The following UBE4B variants were observed in gnomAD, a reference collection of about 807,000 sequenced individuals.
The protein encoded by UBE4B is ubiquitination factor E4B, also known as ubiquitin conjugation factor E4 B.
Under a neutral mutation model 148.1 loss-of-function variants are expected in UBE4B, and 27 were observed. The ratio of observed to expected loss-of-function variants is 0.18; its 90% CI spans 0.13 to 0.25. UBE4B has a LOEUF of 0.25. Ranked by LOEUF, UBE4B falls within the 10% of genes least tolerant of loss-of-function variation. The probability of loss-of-function intolerance (pLI) is 1.00; values close to 1 mark genes in which losing one functional copy is unlikely to be tolerated. For missense variants in UBE4B, 1,170 were observed against 1,662.4 expected (o/e 0.70, Z 5.15); for synonymous variants, 596 against 619.3 (o/e 0.96, Z 0.56).
At chr1:10,069,156 A>C (rs1644442276) in intron 1 of UBE4B, among the ~76,000 whole-genome samples, 1 of 152,230 alleles carries the variant, frequency 6.6e-6, no homozygotes, top group Non-Finnish European at 1.5e-5. Context: ...ATCTGAATTT[A>C]ACATCTTGGG....
chr1:10,072,432 C>T (rs1297665189), intron 2 of UBE4B: 3 of 665,530 alleles, frequency 4.5e-6, no homozygotes, highest in African/African-American at 2.4e-5. Context: ...CCATAACTTC[C>T]ATCTTTTTTT....
At chr1:10,138,549 A>G (rs1174093696) in intron 17 of UBE4B, among the ~76,000 whole-genome samples, 1 of 152,106 alleles carries the variant, frequency 6.6e-6, no homozygotes, top group Non-Finnish European at 1.5e-5. Flanking sequence ...TCACTTACTA[A>G]TTCTAATAGT....
intron 10 of UBE4B, among the ~76,000 whole-genome samples, chr1:10,123,776 TTTG>T (rs1016477349): frequency 8.5e-5 from 13 of 152,266 alleles, no homozygotes; most frequent in African/African-American, 2.9e-4. Flanking sequence ...TTTGTTTTGT[TTTG>T]TTTTGTTTTT....
At chr1:10,100,032 C>CA (rs1357962588) in intron 3 of UBE4B, among the ~76,000 whole-genome samples, 1 of 152,010 alleles carries the variant, frequency 6.6e-6, no homozygotes, top group Non-Finnish European at 1.5e-5. Context: ...CTCTGTCGCC[C>CA]AGGCTGGAGT....
chr1:10,119,473 T>G (rs1645375686), intron 8 of UBE4B, 40 bp from the exon 9 acceptor site: 1 of 1,593,848 alleles, frequency 6.3e-7, no homozygotes, highest in Non-Finnish European at 8.6e-7. Context: ...AATTGTATTG[T>G]TTGTTTCTTG....
chr1:10,136,240 A>G (rs918841777), intron 16 of UBE4B, among the ~76,000 whole-genome samples: 2 of 152,062 alleles, frequency 1.3e-5, no homozygotes, highest in African/African-American at 2.4e-5. Context: ...TTGGAAGCTG[A>G]GGTGGGAGGA....
At chr1:10,138,399 A>G (rs1182499906) in intron 17 of UBE4B, among the ~76,000 whole-genome samples, 4 of 151,678 alleles carry the variant, frequency 2.6e-5, no homozygotes, top group South Asian at 2.1e-4. Flanking sequence ...ACCTGGCCCA[A>G]TTTTTTGTAT....
In UBE4B at chr1:10,095,521, A is replaced by G; in HGVS notation, c.272A>G (p.Asn91Ser). ...GVSSLSSSPS[N>S]SLETQSQSLS... ...AGTTCTCTCAGCAGCTCGCCCTCTA[A>G]TAGCCTTGAAACGCAATCTCAGTCT... Residue 91 changes from asparagine to serine, a missense_variant, in exon 3 of 28, where the codon AAT becomes AGT. Asn to Ser is a conservative substitution (Grantham distance 46). Around this residue, in one of 6 missense-constraint regions of UBE4B, gnomAD observed 127 missense variants for 153.2 expected, o/e 0.83. Coordinates refer to ENST00000343090, the MANE Select transcript of UBE4B (RefSeq NM_001105562.3). The G allele has an allele frequency of 6.2e-7, 1 of 1,614,172 alleles. No homozygotes were observed. Among genetic ancestry groups the G allele is most frequent in the Non-Finnish European group, 8.5e-7 (1 of 1,180,038 alleles).
chr1:10,129,523 T>A, intron 12 of UBE4B, 75 bp downstream of exon 12: 1 of 1,456,516 alleles, frequency 6.9e-7, no homozygotes, highest in South Asian at 1.2e-5. Flanking sequence ...TCTAGTGAGA[T>A]GGCCTGGAAA....
At chr1:10,175,527 C>G (rs561113118) in intron 25 of UBE4B, among the ~76,000 whole-genome samples, 1 of 151,356 alleles carries the variant, frequency 6.6e-6, no homozygotes, top group Non-Finnish European at 1.5e-5. Context: ...GGCGGGCGCC[C>G]GTAGACCCAG....
chr1:10,132,654 A>C (rs1645614862), intron 15 of UBE4B, among the ~76,000 whole-genome samples, 172 bp downstream of exon 15: 2 of 152,224 alleles, frequency 1.3e-5, no homozygotes, highest in South Asian at 2.1e-4. Context: ...AAGTAGACAT[A>C]TAAATACATG....
In UBE4B at chr1:10,161,620, GT is replaced by G. The variant is rs2102010389; in HGVS notation, c.3198+335del. Among the ~76,000 whole-genome samples the G allele has an allele frequency of 6.6e-6, 1 of 152,272 alleles. No individual in the cohort carries two copies. The highest frequency in any genetic ancestry group is 1.5e-5 in the Non-Finnish European group (1 of 68,020). On this transcript the variant is annotated intron_variant, in intron 23 of 27. Coordinates refer to ENST00000343090, the MANE Select transcript of UBE4B (RefSeq NM_001105562.3). This position sits in a 1 kb window ranked among gnomAD's most constrained non-coding sequence, Gnocchi z 4.1. The stretch of plus-strand genomic sequence containing the variant: ...TTAGGAAAGAAATCTCTAGAATTAT[GT>G]CTGCTGGACAAGAATTTGATTTGTT...
intron 1 of UBE4B, among the ~76,000 whole-genome samples, chr1:10,063,821 T>A (rs1268726340): frequency 6.6e-6 from 1 of 151,028 alleles, no homozygotes; most frequent in Non-Finnish European, 1.5e-5. Context: ...GGCAGGAGAA[T>A]CGCTTGAACC....
intron 2 of UBE4B, among the ~76,000 whole-genome samples, chr1:10,078,044 C>G (rs548729192): frequency 1.3e-5 from 2 of 151,760 alleles, no homozygotes; most frequent in Admixed American, 1.3e-4. Context: ...GAGTCTCTCT[C>G]TGTCACCCAA....
chr1:10,072,413 C>T (rs1166957055), intron 2 of UBE4B, 199 bp downstream of exon 2: 2 of 697,062 alleles, frequency 2.9e-6, no homozygotes, highest in East Asian at 2.8e-5. Context: ...AAACCAATTG[C>T]TTTTCTTTCC....
At chr1:10,105,393 C>G in intron 5 of UBE4B, 123 bp from the exon 6 acceptor site, 1 of 761,434 alleles carries the variant, frequency 1.3e-6, no homozygotes, top group South Asian at 1.7e-5. Context: ...TATCCTTTTA[C>G]CATTCCAGAA....
intron 25 of UBE4B, among the ~76,000 whole-genome samples, chr1:10,172,798 AATAC>A (rs1646357335): frequency 6.6e-6 from 1 of 152,154 alleles, no homozygotes; most frequent in African/African-American, 2.4e-5. Context: ...GCAGTGAAAA[AATAC>A]ATAGTCATGT....
intron 3 of UBE4B, chr1:10,100,896 T>G: frequency 1.9e-6 from 1 of 525,622 alleles, no homozygotes; most frequent in Non-Finnish European, 3.4e-6. Flanking sequence ...AATGACAACT[T>G]AGGAAAAATA....
At chr1:10,138,049 T>G (rs144954622) in intron 17 of UBE4B, among the ~76,000 whole-genome samples, 2,560 of 147,232 alleles carry the variant, frequency 0.017, 35 homozygotes, top group Non-Finnish European at 0.027. Context: ...ATTCTCCTGC[T>G]TCAGCCTCCC....
Sources: gnomAD v4.1 joint callset for allele counts (sites outside exome capture counted in the v4.1 genomes callset) on GRCh38, gnomAD v4.1.1 for gene constraint, gnomAD v4.1.1 regional missense constraint, Gnocchi (gnomAD v3.1) non-coding constraint, MANE v1.5 for transcripts, NCBI Gene and HGNC (gene_info 2026-07-23, HGNC 2026-07-21) for gene names.